SLC9A9: variants seen among roughly 807,000 people sequenced by gnomAD.
The protein encoded by SLC9A9 is sodium/hydrogen exchanger 9.
SLC9A9 carries 62 observed loss-of-function variants against 77.8 expected under a neutral mutation model. The ratio of observed to expected loss-of-function variants is 0.80; its 90% CI spans 0.65 to 0.98. The LOEUF (loss-of-function observed/expected upper bound fraction) is 0.98. Ranked by LOEUF, SLC9A9 falls within the 50% of genes least tolerant of loss-of-function variation. The pLI is 0.00. For missense variants in SLC9A9, 775 were observed against 774.9 expected (o/e 1.00, Z 0.00); for synonymous variants, 320 against 283.5 (o/e 1.13, Z -1.29).
intron 6 of SLC9A9, among the ~76,000 whole-genome samples, chr3:143,649,009 G>T (rs2038754008): frequency 6.6e-6 from 1 of 152,170 alleles, no homozygotes; most frequent in Non-Finnish European, 1.5e-5. Flanking sequence ...AGTTACATCA[G>T]CTAATACAGA....
At chr3:143,830,259 G>A (rs1220314088) in intron 2 of SLC9A9, among the ~76,000 whole-genome samples, 1 of 152,166 alleles carries the variant, frequency 6.6e-6, no homozygotes, top group Non-Finnish European at 1.5e-5. Flanking sequence ...TCAGGTTGCT[G>A]AGTCACCTGT....
chr3:143,523,014 T>C (rs1216707411), intron 9 of SLC9A9, among the ~76,000 whole-genome samples: 1 of 152,092 alleles, frequency 6.6e-6, no homozygotes, highest in Non-Finnish European at 1.5e-5. Context: ...TCCCAGGTCA[T>C]TGCTTATTTT....
At chr3:143,287,224 C>T (rs918767315) in intron 14 of SLC9A9, among the ~76,000 whole-genome samples, 1 of 152,168 alleles carries the variant, frequency 6.6e-6, no homozygotes, top group African/African-American at 2.4e-5. Flanking sequence ...GTAGCAAAAG[C>T]TGATAACATT....
At chr3:143,322,661 T>C (rs2031458321) in intron 14 of SLC9A9, among the ~76,000 whole-genome samples, 1 of 152,156 alleles carries the variant, frequency 6.6e-6, no homozygotes, top group Non-Finnish European at 1.5e-5. Context: ...TCCTCAGTGG[T>C]TCTTGGCATT....
chr3:143,569,811 T>C (rs1019363312), intron 8 of SLC9A9, among the ~76,000 whole-genome samples: 3 of 147,710 alleles, frequency 2.0e-5, no homozygotes, highest in Admixed American at 6.8e-5. Flanking sequence ...TTATTGTTTT[T>C]TTCTTTTTTT....
intron 2 of SLC9A9, among the ~76,000 whole-genome samples, chr3:143,805,709 C>G (rs964436981): frequency 6.6e-6 from 1 of 152,134 alleles, no homozygotes; most frequent in Non-Finnish European, 1.5e-5. Flanking sequence ...AAAGCTCCCC[C>G]ACTGAGCACC....
In SLC9A9 at chr3:143,298,174, C is replaced by G. The variant is rs989353173; in HGVS notation, c.1605-29194G>C. On this transcript the variant is annotated intron_variant, in intron 14 of 15. Coordinates refer to ENST00000316549, the MANE Select transcript of SLC9A9 (RefSeq NM_173653.4). Reference sequence around the variant, plus strand: ...TGGAACTAGTGGAAGGGCTTCCCCCCACGTTGATGTTCAGGTTAGCCACTG... The same window carrying G: ...TGGAACTAGTGGAAGGGCTTCCCCCGACGTTGATGTTCAGGTTAGCCACTG... 1.1e-4 allele frequency among the ~76,000 whole-genome samples: 16 copies of G among 152,170 alleles called. No individual in the cohort carries two copies. In the South Asian group the frequency reaches 1.9e-3, roughly 18 times the overall value.
chr3:143,726,451 T>C (rs968063005), intron 4 of SLC9A9, among the ~76,000 whole-genome samples: 5 of 152,130 alleles, frequency 3.3e-5, no homozygotes, highest in Non-Finnish European at 5.9e-5. Context: ...TTCTATTGTA[T>C]GCAAGTTATA....
At chr3:143,481,618 T>G (rs1403970051) in intron 11 of SLC9A9, among the ~76,000 whole-genome samples, 1 of 152,240 alleles carries the variant, frequency 6.6e-6, no homozygotes, top group Non-Finnish European at 1.5e-5. Flanking sequence ...GATTATGTTC[T>G]GAAACATGCT....
chr3:143,845,269 C>A (rs1485587714), intron 1 of SLC9A9, among the ~76,000 whole-genome samples: 1 of 152,154 alleles, frequency 6.6e-6, no homozygotes, highest in Non-Finnish European at 1.5e-5. Context: ...GGCTCCTTCC[C>A]CATCTATGAT....
intron 11 of SLC9A9, among the ~76,000 whole-genome samples, chr3:143,471,074 C>T (rs1429325073): frequency 2.0e-5 from 3 of 152,126 alleles, no homozygotes; most frequent in Non-Finnish European, 4.4e-5. Context: ...GATGCCTTCT[C>T]AATGTTATAA....
chr3:143,738,839 C>A (rs116013018), intron 4 of SLC9A9, among the ~76,000 whole-genome samples: 2 of 152,170 alleles, frequency 1.3e-5, no homozygotes, highest in East Asian at 3.9e-4. Flanking sequence ...CAGCTCAGGA[C>A]CAGCCAAATG....
At chr3:143,767,230 G>A (rs767874723) in intron 4 of SLC9A9, among the ~76,000 whole-genome samples, 36 of 152,140 alleles carry the variant, frequency 2.4e-4, no homozygotes, top group Admixed American at 8.5e-4. Context: ...ATGCCAGGGT[G>A]TCTTTGGGCA....
intron 4 of SLC9A9, among the ~76,000 whole-genome samples, chr3:143,791,979 C>T (rs962078350): frequency 6.6e-6 from 1 of 152,152 alleles, no homozygotes; most frequent in Admixed American, 6.5e-5. Context: ...AAGTAAAGCA[C>T]GTTTTTGGCA....
chr3:143,806,947 A>G (rs895494235), intron 2 of SLC9A9, among the ~76,000 whole-genome samples: 1 of 152,240 alleles, frequency 6.6e-6, no homozygotes, highest in African/African-American at 2.4e-5. Flanking sequence ...AAAATTTTTA[A>G]AAGCCTCTCT....
chr3:143,718,787 G>A (rs1216711813), intron 4 of SLC9A9, among the ~76,000 whole-genome samples: 1 of 152,136 alleles, frequency 6.6e-6, no homozygotes, highest in African/African-American at 2.4e-5. Flanking sequence ...TATCAGTCAT[G>A]AATTCCATTC....
At chr3:143,325,472 G>A (rs148702907) in intron 14 of SLC9A9, among the ~76,000 whole-genome samples, 1 of 152,310 alleles carries the variant, frequency 6.6e-6, no homozygotes, top group African/African-American at 2.4e-5. Context: ...TTTTATTTTG[G>A]TAGGGTCAGC....
intron 11 of SLC9A9, among the ~76,000 whole-genome samples, chr3:143,480,532 T>G (rs2035555723): frequency 6.6e-6 from 1 of 152,216 alleles, no homozygotes; most frequent in African/African-American, 2.4e-5. Flanking sequence ...TTAAAACATT[T>G]TTTTTGTGGC....
chr3:143,618,185 C>T (rs1299649994), intron 6 of SLC9A9, among the ~76,000 whole-genome samples: 1 of 152,166 alleles, frequency 6.6e-6, no homozygotes, highest in Non-Finnish European at 1.5e-5. Context: ...TTCCTGAGCC[C>T]TCTTAGGGAA....
Sources: allele counts gnomAD v4.1 joint callset (sites outside exome capture counted in the v4.1 genomes callset), GRCh38; gene constraint gnomAD v4.1.1; transcripts MANE v1.5; gene names NCBI Gene and HGNC (gene_info 2026-07-23, HGNC 2026-07-21).